Variants in SV2C observed in about 807,000 individuals in gnomAD.
The protein encoded by SV2C is solute carrier family 22 member B3.
SV2C carries 49 observed loss-of-function variants against 79.7 expected under a neutral mutation model. The ratio of observed to expected loss-of-function variants is 0.61; its 90% CI spans 0.49 to 0.78. SV2C has a LOEUF of 0.78. SV2C is among the 30% of genes least tolerant of loss of function. The pLI is 0.00. For missense variants in SV2C, 833 were observed against 912.9 expected (o/e 0.91, Z 1.13); for synonymous variants, 334 against 333.2 (o/e 1.00, Z -0.03).
the SV2C span, among the ~76,000 whole-genome samples, chr5:75,897,880 G>T: frequency 3.3e-5 from 5 of 151,776 alleles, no homozygotes; most frequent in South Asian, 6.3e-4. Context: ...GTCTGTTATT[G>T]GTGTATAAGA....
the SV2C span, among the ~76,000 whole-genome samples, chr5:75,929,359 C>T: frequency 2.0e-5 from 3 of 152,170 alleles, no homozygotes; most frequent in South Asian, 6.2e-4. Flanking sequence ...AGCCCAGCCC[C>T]CTTCCAGATG....
At chr5:75,861,026 G>T in the SV2C span, among the ~76,000 whole-genome samples, 1 of 152,066 alleles carries the variant, frequency 6.6e-6, no homozygotes, top group Non-Finnish European at 1.5e-5. Flanking sequence ...ATTGGCCTTT[G>T]CAAAGAGCAG....
At chr5:76,145,402 A>C (rs57791510) in intron 2 of SV2C, among the ~76,000 whole-genome samples, 77,380 of 152,086 alleles carry the variant, frequency 0.51, 20,765 homozygotes, top group Middle Eastern at 0.63. Flanking sequence ...AAGATCAATA[A>C]ACAAAATAAA....
chr5:75,905,327 C>T, the SV2C span, among the ~76,000 whole-genome samples: 1 of 152,186 alleles, frequency 6.6e-6, no homozygotes, highest in South Asian at 2.1e-4. Flanking sequence ...TTCTGGCTGC[C>T]ATTGCCAGTG....
At chr5:76,023,726 A>G in the SV2C span, among the ~76,000 whole-genome samples, 3 of 141,410 alleles carry the variant, frequency 2.1e-5, no homozygotes, top group Non-Finnish European at 3.1e-5. Flanking sequence ...AGAGTTTTCT[A>G]TATTTTAAGA....
In SV2C at chr5:76,329,910, G is replaced by T. The variant is rs1240283040; in HGVS notation, c.*4363G>T. The T allele has an allele frequency of 6.6e-6, 1 of 150,586 alleles. No individual in the cohort carries two copies. Among genetic ancestry groups the T allele is most frequent in the Non-Finnish European group, 1.5e-5 (1 of 67,462 alleles). 9.3% of individuals were successfully genotyped at this position (150,586 alleles called of 1,614,324 possible). A position where few individuals can be genotyped will look rare whatever the true frequency, so the allele number is the denominator to read the frequency against. ...TTAGGTTTTCTTTAATCCTCACATC[G>T]TGCCAAACTTAGTCTGGTTACTAAG... is the stretch of plus-strand genomic sequence containing the variant. On this transcript the variant is annotated 3_prime_UTR_variant, in exon 13 of 13. Coordinates refer to ENST00000502798, the MANE Select transcript of SV2C (RefSeq NM_014979.4).
At chr5:76,233,122 T>C (rs1371870712) in intron 4 of SV2C, among the ~76,000 whole-genome samples, 9 of 141,036 alleles carry the variant, frequency 6.4e-5, no homozygotes, top group Admixed American at 2.0e-4. Flanking sequence ...TGTTGAGCAG[T>C]GGTTTGTAGT....
the SV2C span, among the ~76,000 whole-genome samples, chr5:75,858,737 T>C: frequency 6.6e-6 from 1 of 152,218 alleles, no homozygotes; most frequent in Non-Finnish European, 1.5e-5. Flanking sequence ...GTCCCAACTT[T>C]TCTTTGTGGG....
At chr5:76,239,796 C>T (rs552040826) in intron 4 of SV2C, among the ~76,000 whole-genome samples, 1 of 152,316 alleles carries the variant, frequency 6.6e-6, no homozygotes, top group Non-Finnish European at 1.5e-5. Flanking sequence ...CACACTGTCA[C>T]TTCTACAGCA....
the SV2C span, among the ~76,000 whole-genome samples, chr5:75,924,538 A>G: frequency 6.6e-6 from 1 of 152,258 alleles, no homozygotes; most frequent in African/African-American, 2.4e-5. Flanking sequence ...TGTCAAGCCC[A>G]TGCCATTGAC....
chr5:75,911,075 C>T, the SV2C span: 3 of 1,327,948 alleles, frequency 2.3e-6, no homozygotes, highest in African/African-American at 1.4e-5. Flanking sequence ...AGATCTGGAA[C>T]CTGATGCAGC....
At chr5:76,111,386 A>C (rs184514451) in intron 1 of SV2C, among the ~76,000 whole-genome samples, 1 of 152,312 alleles carries the variant, frequency 6.6e-6, no homozygotes, top group East Asian at 1.9e-4. Flanking sequence ...TTAATGATGA[A>C]TATTTTTAAA....
the SV2C span, among the ~76,000 whole-genome samples, chr5:75,933,898 C>T: frequency 6.6e-5 from 10 of 152,304 alleles, no homozygotes; most frequent in African/African-American, 2.4e-4. Flanking sequence ...TTTCATAGCC[C>T]TTTGGGGATA....
At chr5:76,281,056 A>G (rs944037419) in intron 4 of SV2C, 1 of 541,792 alleles carries the variant, frequency 1.8e-6, no homozygotes, top group Middle Eastern at 3.2e-4. Flanking sequence ...GCCCCTGGCC[A>G]GGTTAAGTAA....
chr5:76,295,727 G>T (rs771162210), intron 8 of SV2C, 51 bp from the exon 9 acceptor site: 3 of 1,565,174 alleles, frequency 1.9e-6, no homozygotes, highest in African/African-American at 2.8e-5. Context: ...GTTGCTCATT[G>T]CCTCTGGCAT....
chr5:75,885,748 C>T, the SV2C span, among the ~76,000 whole-genome samples: 14 of 152,114 alleles, frequency 9.2e-5, no homozygotes, highest in African/African-American at 3.4e-4. Flanking sequence ...AGTCTTGTGT[C>T]TTCTGCTGGC....
chr5:75,911,371 C>T, the SV2C span: 2 of 1,223,954 alleles, frequency 1.6e-6, no homozygotes, highest in East Asian at 2.3e-5. Context: ...AGGATCTGAA[C>T]AACCAAAGAA....
At chr5:75,852,106 T>C in the SV2C span, among the ~76,000 whole-genome samples, 27 of 151,884 alleles carry the variant, frequency 1.8e-4, 1 homozygote, top group East Asian at 3.3e-3. Context: ...TAAGTGGGAG[T>C]TGATCAATGA....
intron 12 of SV2C, among the ~76,000 whole-genome samples, chr5:76,342,886 C>CT (rs35379719): frequency 2.4e-3 from 335 of 138,816 alleles, no homozygotes; most frequent in South Asian, 0.012. Flanking sequence ...CTCTCTCTCT[C>CT]TTTTTTTTTT....
Sources: gnomAD v4.1 joint callset for allele counts (sites outside exome capture counted in the v4.1 genomes callset) on GRCh38, gnomAD v4.1.1 for gene constraint, MANE v1.5 for transcripts, NCBI Gene and HGNC (gene_info 2026-07-23, HGNC 2026-07-21) for gene names.